The following NUP153 variants were observed in gnomAD, a reference collection of about 807,000 sequenced individuals.
NUP153 encodes the protein nuclear pore complex protein Nup153.
A neutral mutation model predicts 134.6 loss-of-function variants in NUP153; 27 were observed. That is an observed-to-expected ratio of 0.20 (90% CI 0.15 to 0.28). NUP153 has a LOEUF of 0.28. Among genes scored for constraint, NUP153 ranks in the 10% least tolerant of loss-of-function variants. NUP153 has a pLI of 1.00. For missense variants in NUP153, 1,821 were observed against 1,731.3 expected (o/e 1.05, Z -0.92); for synonymous variants, 640 against 623.5 (o/e 1.03, Z -0.40).
chr6:17,640,418 C>A (rs2113788108), intron 14 of NUP153, among the ~76,000 whole-genome samples: 1 of 152,286 alleles, frequency 6.6e-6, no homozygotes, highest in South Asian at 2.1e-4. Context: ...GATTACACAA[C>A]AATTTACAAA....
intron 16 of NUP153, among the ~76,000 whole-genome samples, chr6:17,634,939 C>T (rs1034059963): frequency 2.1e-4 from 31 of 151,216 alleles, no homozygotes; most frequent in African/African-American, 7.5e-4. Context: ...AATATACTAA[C>T]ACTAGCAACA....
chr6:17,648,355 G>A (rs145574658), intron 12 of NUP153, among the ~76,000 whole-genome samples: 50 of 152,214 alleles, frequency 3.3e-4, no homozygotes, highest in African/African-American at 1.1e-3. Context: ...GGGGGCTCAC[G>A]CTTGTAATCC....
chr6:17,686,013 TAGCACAC>T (rs1768899453), intron 2 of NUP153, among the ~76,000 whole-genome samples: 1 of 152,008 alleles, frequency 6.6e-6, no homozygotes, highest in Admixed American at 6.6e-5. Context: ...CTGGGCGTGG[TAGCACAC>T]GCCTATAGTC....
rs768685715 is a variant in NUP153 at position 17,625,929 on chromosome 6, T to C, written c.3780A>G (p.Leu1260=). 6.2e-7 allele frequency: 1 copy of C among 1,614,098 alleles called. No homozygotes were observed. The highest frequency in any genetic ancestry group is 1.3e-5 in the African/African-American group (1 of 74,942). Residue 1260 remains leucine (L), a synonymous_variant, in exon 19 of 22, where the codon CTA becomes CTG. Coordinates refer to ENST00000262077, the MANE Select transcript of NUP153 (RefSeq NM_005124.4). This position sits in a 1 kb window ranked among gnomAD's most constrained non-coding sequence, Gnocchi z 4.7. ...QSLLFSQDSK[L]ATTSSTGTAV... Reference sequence around the variant, plus strand: ...CTGTACCTGTGCTGGATGTGGTTGCTAGTTTGCTATCTTGAGAAAATAGCA... The same window carrying C: ...CTGTACCTGTGCTGGATGTGGTTGCCAGTTTGCTATCTTGAGAAAATAGCA...
At position 17,706,214 on chromosome 6, in the gene NUP153, C is replaced by T. The variant is rs929677098; in HGVS notation, c.111+63G>A. ...CACGTGGGGCGCCGGGGCCTCGAAC[C>T]GCCCGTCCCCTCCAGCCGAGTTTCC... On this transcript the variant is annotated intron_variant, in intron 1 of 21. Transcript: ENST00000262077. This position sits in a 1 kb window ranked among gnomAD's most constrained non-coding sequence, Gnocchi z 5.9. 1 of 1,375,776 alleles carries T rather than the reference C, an allele frequency of 7.3e-7. No homozygotes were observed. The highest frequency in any genetic ancestry group is 1.0e-6 in the Non-Finnish European group (1 of 969,414). 85.2% of individuals were successfully genotyped at this position (1,375,776 alleles called of 1,614,324 possible).
intron 11 of NUP153, among the ~76,000 whole-genome samples, chr6:17,651,087 C>G (rs1265949831): frequency 6.6e-6 from 1 of 152,022 alleles, no homozygotes; most frequent in Admixed American, 6.6e-5. Flanking sequence ...CAGCTTGAGG[C>G]CAAGAGTTCG....
intron 14 of NUP153, among the ~76,000 whole-genome samples, chr6:17,645,032 C>A (rs917317665): frequency 6.6e-6 from 1 of 151,912 alleles, no homozygotes; most frequent in Non-Finnish European, 1.5e-5. Flanking sequence ...TTGCAGTGAG[C>A]CAAGATTACG....
Position 17,661,104 on chromosome 6 carries a change from CAGG to C in NUP153, c.1395+546_1395+548del, listed in dbSNP as rs1315693550. On this transcript the variant is annotated intron_variant, in intron 11 of 21. Coordinates refer to ENST00000262077, the MANE Select transcript of NUP153 (RefSeq NM_005124.4). ...CCGAGGCAGGTGGATCACTTGACAT[CAGG>C]AGTTCGACCCAGCCTGGCCAACATG... 2.0e-5 allele frequency among the ~76,000 whole-genome samples: 3 copies of C among 152,084 alleles called. No homozygotes were observed. The East Asian group carries it at 5.8e-4, about 29-fold the overall frequency.
chr6:17,620,858 A>AC (rs1203862053), intron 20 of NUP153, among the ~76,000 whole-genome samples: 10 of 152,228 alleles, frequency 6.6e-5, no homozygotes, highest in Non-Finnish European at 1.3e-4. Flanking sequence ...AAACAAAAAT[A>AC]GACAAGAGGG....
At chr6:17,676,376 C>G (rs1014309780) in intron 2 of NUP153, among the ~76,000 whole-genome samples, 3 of 152,138 alleles carry the variant, frequency 2.0e-5, no homozygotes, top group Admixed American at 6.6e-5. Context: ...TCCTCTCTTC[C>G]TCTAATGATG....
At chr6:17,654,670 T>G (rs1347330305) in intron 11 of NUP153, among the ~76,000 whole-genome samples, 1 of 152,122 alleles carries the variant, frequency 6.6e-6, no homozygotes, top group Non-Finnish European at 1.5e-5. Flanking sequence ...AATTTTGACT[T>G]AGTAGATCAT....
intron 14 of NUP153, among the ~76,000 whole-genome samples, chr6:17,641,727 C>T (rs1017926345): frequency 1.3e-5 from 2 of 151,944 alleles, no homozygotes; most frequent in African/African-American, 2.4e-5. Flanking sequence ...TGGTGGCAGG[C>T]GCCTGTAGTC....
At chr6:17,688,146 AAAAAG>A (rs564072983) in intron 2 of NUP153, among the ~76,000 whole-genome samples, 1 of 152,136 alleles carries the variant, frequency 6.6e-6, no homozygotes, top group Non-Finnish European at 1.5e-5. Context: ...AGAAAAAAAG[AAAAAG>A]AAAAGAAAAT....
At chr6:17,639,756 T>G (rs531826883) in intron 15 of NUP153, among the ~76,000 whole-genome samples, 183 bp downstream of exon 15, 14 of 152,244 alleles carry the variant, frequency 9.2e-5, no homozygotes, top group African/African-American at 3.1e-4. Context: ...CATTTTAGTA[T>G]AGAGTCCTTT....
intron 2 of NUP153, among the ~76,000 whole-genome samples, chr6:17,687,066 T>C (rs1283084649): frequency 1.3e-5 from 2 of 152,286 alleles, no homozygotes; most frequent in East Asian, 1.9e-4. Flanking sequence ...TAAAATCAGT[T>C]TGAGTTGACC....
chr6:17,672,404 CCT>C (rs1450019222), intron 5 of NUP153, among the ~76,000 whole-genome samples: 1 of 151,670 alleles, frequency 6.6e-6, no homozygotes, highest in African/African-American at 2.4e-5. Flanking sequence ...TTAGTGAGAC[CCT>C]GTCACTACCA....
At chr6:17,653,563 A>G (rs1006374947) in intron 11 of NUP153, among the ~76,000 whole-genome samples, 3 of 152,216 alleles carry the variant, frequency 2.0e-5, no homozygotes, top group Non-Finnish European at 2.9e-5. Flanking sequence ...TATTTACCCC[A>G]GAGAAATAAA....
intron 11 of NUP153, among the ~76,000 whole-genome samples, chr6:17,655,192 T>C (rs1022384807): frequency 6.6e-6 from 1 of 152,214 alleles, no homozygotes; most frequent in Non-Finnish European, 1.5e-5. Context: ...CCAATATATT[T>C]AATGACTACA....
intron 14 of NUP153, among the ~76,000 whole-genome samples, chr6:17,640,280 A>G (rs1043382581): frequency 6.6e-6 from 1 of 152,222 alleles, no homozygotes; most frequent in African/African-American, 2.4e-5. Context: ...TCCCCCACCA[A>G]TAAAAAGGCA....
Sources: gnomAD v4.1 joint callset for allele counts (sites outside exome capture counted in the v4.1 genomes callset) on GRCh38, gnomAD v4.1.1 for gene constraint, Gnocchi (gnomAD v3.1) non-coding constraint, MANE v1.5 for transcripts, NCBI Gene and HGNC (gene_info 2026-07-23, HGNC 2026-07-21) for gene names.